The following FAM135A variants were observed in gnomAD, a reference collection of about 807,000 sequenced individuals.
FAM135A encodes family with sequence similarity 135 member A.
Under a neutral mutation model 146.8 loss-of-function variants are expected in FAM135A, and 79 were observed. That is an observed-to-expected ratio of 0.54 (90% CI 0.45 to 0.65). FAM135A has a LOEUF of 0.65. Among genes scored for constraint, FAM135A ranks in the 30% least tolerant of loss-of-function variants. The pLI, the probability that FAM135A is intolerant of heterozygous loss-of-function variation, is 0.00. For synonymous variants in FAM135A, 562 were observed against 603.6 expected, an observed-to-expected ratio of 0.93 and a Z score of 1.01; for missense variants, 1,623 against 1,758.2, an observed-to-expected ratio of 0.92 and a Z score of 1.38.
intron 4 of FAM135A, among the ~76,000 whole-genome samples, chr6:70,448,492 C>G (rs2128003975): frequency 6.6e-6 from 1 of 152,282 alleles, no homozygotes; most frequent in Non-Finnish European, 1.5e-5. Context: ...TCCACGTTCT[C>G]CAACCGTCGC....
intron 15 of FAM135A, 50 bp downstream of exon 15, chr6:70,526,748 TATAC>T: frequency 9.1e-7 from 1 of 1,093,406 alleles, no homozygotes; most frequent in Non-Finnish European, 1.3e-6. Context: ...TACATATATA[TATAC>T]ACACACACAC....
At chr6:70,463,610 T>G (rs1779844153) in intron 5 of FAM135A, among the ~76,000 whole-genome samples, 2 of 152,008 alleles carry the variant, frequency 1.3e-5, no homozygotes, top group South Asian at 4.2e-4. Context: ...TAATTTTTTC[T>G]CAGAAATGGG....
At chr6:70,523,614 G>A (rs951336805) in intron 13 of FAM135A, among the ~76,000 whole-genome samples, 2 of 152,072 alleles carry the variant, frequency 1.3e-5, no homozygotes, top group African/African-American at 2.4e-5. Flanking sequence ...TAATTATTAA[G>A]CAGTTAAGCT....
chr6:70,441,136 G>T (rs111517762), intron 4 of FAM135A, among the ~76,000 whole-genome samples: 367 of 152,212 alleles, frequency 2.4e-3, no homozygotes, highest in African/African-American at 8.2e-3. Flanking sequence ...GCTCACGTCT[G>T]TTACCCCAGC....
chr6:70,536,244 T>G lies in FAM135A; in HGVS notation c.3966-16T>G, dbSNP rs775370630. The G allele has an allele frequency of 6.3e-7, 1 of 1,590,476 alleles. No homozygotes were observed. ...ACTAATGCTGTGAGAAAATTAATTT[T>G]TTTTTCCTCTTAAAGCTTTATTGGA... On this transcript the variant is annotated splice_polypyrimidine_tract_variant and intron_variant, in intron 18 of 21. Transcript: ENST00000418814.
At chr6:70,469,050 T>G (rs1244711053) in intron 5 of FAM135A, among the ~76,000 whole-genome samples, 1 of 152,206 alleles carries the variant, frequency 6.6e-6, no homozygotes, top group Non-Finnish European at 1.5e-5. Context: ...CTCTTTTCCT[T>G]TCTTTATTTT....
At chr6:70,416,799 A>G (rs1213780680) in intron 2 of FAM135A, among the ~76,000 whole-genome samples, 2 of 152,210 alleles carry the variant, frequency 1.3e-5, no homozygotes, top group Admixed American at 6.5e-5. Flanking sequence ...CAGAATGGTA[A>G]TATAGAAGAA....
At chr6:70,463,419 TA>T (rs80004977) in intron 5 of FAM135A, among the ~76,000 whole-genome samples, 511 of 142,002 alleles carry the variant, frequency 3.6e-3, no homozygotes, top group Non-Finnish European at 3.9e-3. Context: ...CTGGCCTAAT[TA>T]AAAAAAAAAA....
At chr6:70,493,500 T>A (rs928458584) in intron 11 of FAM135A, among the ~76,000 whole-genome samples, 1 of 152,200 alleles carries the variant, frequency 6.6e-6, no homozygotes, top group Admixed American at 6.5e-5. Flanking sequence ...AACTTTAACA[T>A]CAACAACCTA....
chr6:70,446,333 C>G (rs1347880474), intron 4 of FAM135A, among the ~76,000 whole-genome samples: 2 of 152,160 alleles, frequency 1.3e-5, no homozygotes, highest in Non-Finnish European at 2.9e-5. Flanking sequence ...ATAGTAGGAA[C>G]TCTTGCTGTA....
intron 16 of FAM135A, among the ~76,000 whole-genome samples, chr6:70,531,617 G>A (rs184522633): frequency 1.3e-5 from 2 of 152,226 alleles, no homozygotes; most frequent in Non-Finnish European, 2.9e-5. Context: ...TTTTTAATTA[G>A]GGCATGAACA....
intron 20 of FAM135A, among the ~76,000 whole-genome samples, chr6:70,542,671 A>G (rs949012854): frequency 1.1e-4 from 16 of 152,090 alleles, no homozygotes; most frequent in African/African-American, 3.9e-4. Context: ...ATATACTTTT[A>G]TGTCCCCAAT....
chr6:70,444,176 G>T (rs1378147786), intron 4 of FAM135A, among the ~76,000 whole-genome samples: 1 of 152,148 alleles, frequency 6.6e-6, no homozygotes, highest in Admixed American at 6.6e-5. Context: ...AGGGAAGCAG[G>T]CACATCACTT....
chr6:70,429,880 A>G (rs1339131659), intron 4 of FAM135A, among the ~76,000 whole-genome samples: 4 of 152,166 alleles, frequency 2.6e-5, no homozygotes, highest in Non-Finnish European at 5.9e-5. Flanking sequence ...TAACAGAAGA[A>G]GTAGAGCAAG....
intron 18 of FAM135A, among the ~76,000 whole-genome samples, chr6:70,534,991 C>T (rs1395546402): frequency 6.6e-6 from 1 of 152,122 alleles, no homozygotes; most frequent in African/African-American, 2.4e-5. Flanking sequence ...ATTTGTGGAT[C>T]TTAAAATCTT....
intron 3 of FAM135A, among the ~76,000 whole-genome samples, chr6:70,427,002 C>T (rs1490523632): frequency 2.0e-5 from 3 of 152,128 alleles, no homozygotes; most frequent in Non-Finnish European, 4.4e-5. Flanking sequence ...TATGTCTCTG[C>T]TTGTGAGACG....
chr6:70,529,904 T>C (rs1795467079), intron 16 of FAM135A, among the ~76,000 whole-genome samples: 1 of 151,746 alleles, frequency 6.6e-6, no homozygotes, highest in Non-Finnish European at 1.5e-5. Flanking sequence ...CTACTAAAAA[T>C]ACAAAAAAAA....
At chr6:70,460,811 A>G (rs1333795395) in intron 5 of FAM135A, among the ~76,000 whole-genome samples, 1 of 151,756 alleles carries the variant, frequency 6.6e-6, no homozygotes, top group Non-Finnish European at 1.5e-5. Context: ...ATCTATCTAG[A>G]TATCTATTAG....
At chr6:70,460,948 C>G (rs777331361) in intron 5 of FAM135A, among the ~76,000 whole-genome samples, 2 of 151,338 alleles carry the variant, frequency 1.3e-5, no homozygotes, top group African/African-American at 4.9e-5. Context: ...CTCAGCCTCC[C>G]GAGTAGCTGG....
Sources: gnomAD v4.1 joint callset for allele counts (sites outside exome capture counted in the v4.1 genomes callset) on GRCh38, gnomAD v4.1.1 for gene constraint, MANE v1.5 for transcripts, NCBI Gene and HGNC (gene_info 2026-07-23, HGNC 2026-07-21) for gene names.